WWOX: variants seen among roughly 807,000 people sequenced by gnomAD.
WWOX encodes WW domain containing oxidoreductase, also known as WW domain-containing oxidoreductase.
A neutral mutation model predicts 46.2 loss-of-function variants in WWOX; 69 were observed. That is an observed-to-expected ratio of 1.49 (90% CI 1.23 to 1.82). The LOEUF is 1.82. Among genes scored for constraint, WWOX ranks in the 40% most tolerant of loss-of-function variants. WWOX has a pLI of 0.00. For missense variants in WWOX, 919 were observed against 542.6 expected (o/e 1.69, Z -6.89); for synonymous variants, 359 against 202.6 (o/e 1.77, Z -6.56).
At chr16:79,066,797 C>G (rs188525330) in intron 8 of WWOX, among the ~76,000 whole-genome samples, 1 of 152,200 alleles carries the variant, frequency 6.6e-6, no homozygotes, top group Admixed American at 6.5e-5. Flanking sequence ...CCAGGTCAAA[C>G]GAGGTACCAT....
intron 8 of WWOX, among the ~76,000 whole-genome samples, chr16:78,965,785 C>T (rs1054163893): frequency 2.6e-5 from 4 of 152,172 alleles, no homozygotes; most frequent in African/African-American, 7.2e-5. Flanking sequence ...GTCCTTCACT[C>T]AGTGATGTTA....
chr16:79,042,230 C>T (rs982964017), intron 8 of WWOX, among the ~76,000 whole-genome samples: 4 of 152,172 alleles, frequency 2.6e-5, no homozygotes, highest in Non-Finnish European at 4.4e-5. Context: ...CTCCAAAGCC[C>T]ACGCTCTCTT....
At chr16:78,761,805 C>A (rs115286610) in intron 8 of WWOX, among the ~76,000 whole-genome samples, 1 of 152,076 alleles carries the variant, frequency 6.6e-6, no homozygotes, top group African/African-American at 2.4e-5. Context: ...TGTCAACACA[C>A]TTAGGAGAGA....
intron 8 of WWOX, among the ~76,000 whole-genome samples, chr16:78,489,888 T>C (rs2084737386): frequency 6.6e-6 from 1 of 151,924 alleles, no homozygotes. Context: ...GGAGGAGGGG[T>C]CTGACAGATA....
At chr16:78,926,078 A>G (rs1205079803) in intron 8 of WWOX, among the ~76,000 whole-genome samples, 5 of 152,194 alleles carry the variant, frequency 3.3e-5, no homozygotes, top group African/African-American at 7.2e-5. Flanking sequence ...TGCTCTTGGT[A>G]GAGGTTTACA....
chr16:78,549,849 C>G (rs144755105), intron 8 of WWOX, among the ~76,000 whole-genome samples: 1 of 151,922 alleles, frequency 6.6e-6, no homozygotes, highest in African/African-American at 2.4e-5. Flanking sequence ...GGCAGGAACC[C>G]CATCAGAATT....
Position 78,592,502 on chromosome 16 carries a change from C to T in WWOX, c.1056+159750C>T, listed in dbSNP as rs182691011. 3.9e-5 allele frequency among the ~76,000 whole-genome samples: 6 copies of T among 152,240 alleles called. No homozygotes were observed. In the East Asian group the frequency reaches 5.8e-4, roughly 15 times the overall value. On this transcript the variant is annotated intron_variant, in intron 8 of 8. Transcript: ENST00000566780. ...GAGTTATTCCTCAAGCCCCTGGACT[C>T]GCAGAGAATCAGGTGTATGAAGCAA...
chr16:78,744,201 G>C (rs745772656), intron 8 of WWOX, among the ~76,000 whole-genome samples: 3 of 152,096 alleles, frequency 2.0e-5, no homozygotes, highest in Non-Finnish European at 4.4e-5. Flanking sequence ...AGTTTTGAGA[G>C]CTGGGTAAGA....
intron 8 of WWOX, among the ~76,000 whole-genome samples, chr16:79,026,614 C>CT (rs748965500): frequency 0.12 from 11,683 of 100,970 alleles, 1,456 homozygotes; most frequent in African/African-American, 0.19. Flanking sequence ...GTGGTAGACT[C>CT]TTTTTTTTTT....
intron 8 of WWOX, among the ~76,000 whole-genome samples, chr16:79,028,224 C>A (rs1337457197): frequency 6.6e-6 from 1 of 151,974 alleles, no homozygotes; most frequent in Non-Finnish European, 1.5e-5. Flanking sequence ...GCTGGGATTA[C>A]AGGCGTGAGC....
chr16:79,212,296 A>T lies in WWOX; in HGVS notation c.*500A>T. 3.9e-6 allele frequency: 4 copies of T among 1,021,590 alleles called. No individual in the cohort carries two copies. The highest frequency in any genetic ancestry group is 5.5e-6 in the Non-Finnish European group (4 of 726,696). 63.3% of individuals were successfully genotyped at this position (1,021,590 alleles called of 1,614,324 possible). On this transcript the variant is annotated 3_prime_UTR_variant, in exon 9 of 9. Transcript: ENST00000566780. ...CTGACCAAGACTGAGCCAGCTTAGC[A>T]ACTGCTGGGGAGACAAATCTCAGAA...
Position 78,302,179 on chromosome 16 carries a change from T to A in WWOX, c.517-84681T>A, listed in dbSNP as rs151051212. Among the ~76,000 whole-genome samples, 80 of 152,228 alleles carry A rather than the reference T, an allele frequency of 5.3e-4. 1 individual carries two copies. The East Asian group carries it at 0.014, about 27-fold the overall frequency. On this transcript the variant is annotated intron_variant, in intron 5 of 8. Coordinates refer to ENST00000566780, the MANE Select transcript of WWOX (RefSeq NM_016373.4). ...TATCGCCATGTTGGCCAGGCTGGTC[T>A]CGAACTCCTGACCTCAGGTGATCTG...
rs528567165 is a variant in WWOX, at chr16:78,505,948, G to C, written c.1056+73196G>C. Among the ~76,000 whole-genome samples, 68 of 152,320 alleles carry C rather than the reference G, an allele frequency of 4.5e-4. 1 individual carries two copies. Among genetic ancestry groups the C allele is most frequent in the Non-Finnish European group, 8.5e-4 (58 of 68,018 alleles). ...AAGGACCCGGTTGGCTCTGCAAACCGCATTTCCTTGGCTGAACGCCAGAGG... is the reference window on the plus strand; with the variant it reads ...AAGGACCCGGTTGGCTCTGCAAACCCCATTTCCTTGGCTGAACGCCAGAGG... On this transcript the variant is annotated intron_variant, in intron 8 of 8. Coordinates refer to ENST00000566780, the MANE Select transcript of WWOX (RefSeq NM_016373.4).
chr16:78,528,840 A>G (rs191426541), intron 8 of WWOX, among the ~76,000 whole-genome samples: 15 of 152,222 alleles, frequency 9.9e-5, no homozygotes, highest in African/African-American at 3.1e-4. Context: ...GGCAACCTCT[A>G]TGTAACCTCA....
chr16:79,210,763 T>G (rs16949956), intron 8 of WWOX, among the ~76,000 whole-genome samples: 29,733 of 152,068 alleles, frequency 0.2, 3,383 homozygotes, highest in African/African-American at 0.31. Flanking sequence ...ATAGCATCCC[T>G]GACAGTATTC....
At chr16:78,886,719 A>C (rs1001648287) in intron 8 of WWOX, among the ~76,000 whole-genome samples, 17 of 151,546 alleles carry the variant, frequency 1.1e-4, no homozygotes, top group Admixed American at 3.9e-4. Flanking sequence ...ATAGAGAAAG[A>C]ATATGTCTAA....
chr16:78,307,949 A>G (rs2151871933), intron 5 of WWOX, among the ~76,000 whole-genome samples: 1 of 152,286 alleles, frequency 6.6e-6, no homozygotes, highest in Non-Finnish European at 1.5e-5. Context: ...CACACTTCAG[A>G]ACCAAGCTCA....
chr16:78,628,780 T>C (rs2046366346), intron 8 of WWOX, among the ~76,000 whole-genome samples: 1 of 152,132 alleles, frequency 6.6e-6, no homozygotes, highest in Non-Finnish European at 1.5e-5. Context: ...GGAGAGACCT[T>C]TGGAAAAGTC....
At chr16:78,731,395 C>T (rs1267995818) in intron 8 of WWOX, among the ~76,000 whole-genome samples, 1 of 152,164 alleles carries the variant, frequency 6.6e-6, no homozygotes, top group Non-Finnish European at 1.5e-5. Context: ...CACACTAATA[C>T]TACGGCTCCT....
Sources: allele counts gnomAD v4.1 joint callset (sites outside exome capture counted in the v4.1 genomes callset), GRCh38; gene constraint gnomAD v4.1.1; transcripts MANE v1.5; gene names NCBI Gene and HGNC (gene_info 2026-07-23, HGNC 2026-07-21).